The following CNTNAP2 variants were observed in gnomAD, a reference collection of about 807,000 sequenced individuals.
CNTNAP2 encodes the protein contactin-associated protein-like 2.
Under a neutral mutation model 155.2 loss-of-function variants are expected in CNTNAP2, and 98 were observed. The ratio of observed to expected loss-of-function variants is 0.63; its 90% CI spans 0.54 to 0.75. CNTNAP2 has a LOEUF of 0.75. CNTNAP2 is among the 30% of genes least tolerant of loss of function. The pLI is 0.00. For missense variants in CNTNAP2, 1,727 were observed against 1,688.1 expected, an observed-to-expected ratio of 1.02 and a Z score of -0.40; for synonymous variants, 651 against 631.2, an observed-to-expected ratio of 1.03 and a Z score of -0.47.
At chr7:148,061,414 C>T (rs1310592070) in intron 15 of CNTNAP2, among the ~76,000 whole-genome samples, 1 of 152,002 alleles carries the variant, frequency 6.6e-6, no homozygotes, top group Non-Finnish European at 1.5e-5. Flanking sequence ...AGTGCAGTGG[C>T]ATGATCTTGG....
At chr7:148,061,135 A>G (rs1264754364) in intron 15 of CNTNAP2, among the ~76,000 whole-genome samples, 1 of 152,224 alleles carries the variant, frequency 6.6e-6, no homozygotes, top group African/African-American at 2.4e-5. Context: ...GATATAGGTT[A>G]AAGGTTTTTA....
At chr7:147,762,046 A>G (rs1296545810) in intron 13 of CNTNAP2, among the ~76,000 whole-genome samples, 1 of 152,152 alleles carries the variant, frequency 6.6e-6, no homozygotes, top group Non-Finnish European at 1.5e-5. Flanking sequence ...AAGTAAACTT[A>G]GAATTTCCAT....
intron 3 of CNTNAP2, among the ~76,000 whole-genome samples, chr7:146,971,647 T>C (rs530458205): frequency 6.6e-6 from 1 of 152,238 alleles, no homozygotes; most frequent in African/African-American, 2.4e-5. Context: ...GGTCCTTTTC[T>C]GTGCAGATTG....
chr7:146,674,873 A>G (rs573007524), intron 1 of CNTNAP2, among the ~76,000 whole-genome samples: 16 of 152,176 alleles, frequency 1.1e-4, no homozygotes, highest in Non-Finnish European at 2.1e-4. Flanking sequence ...TGACTTATTC[A>G]CTTCTCCCTG....
intron 2 of CNTNAP2, among the ~76,000 whole-genome samples, chr7:146,834,183 T>C (rs1803570935): frequency 6.6e-6 from 1 of 152,146 alleles, no homozygotes; most frequent in Non-Finnish European, 1.5e-5. Flanking sequence ...TCAGGAGCCA[T>C]TTATCACTAC....
In CNTNAP2 at chr7:147,776,446, C is replaced by T. The variant is rs541048165; in HGVS notation, c.2099-127119C>T. ...CTGTTTTTCAATGAGAAACTCTGCACTGAGATAAATTCTATTCCTGGTGGC... is the reference window on the plus strand; with the variant it reads ...CTGTTTTTCAATGAGAAACTCTGCATTGAGATAAATTCTATTCCTGGTGGC... On this transcript the variant is annotated intron_variant, in intron 13 of 23. Transcript: ENST00000361727. Among the ~76,000 whole-genome samples the T allele has an allele frequency of 1.1e-3, 167 of 152,128 alleles. 1 individual carries two copies. Among genetic ancestry groups the T allele is most frequent in the Non-Finnish European group, 2.1e-3 (143 of 68,008 alleles).
Position 148,418,425 on chromosome 7 carries a change from A to AT in CNTNAP2, c.*2810dup, listed in dbSNP as rs1156306364. ...ATGCTGGTAGTAGCCTCTTTAAATA[A>AT]TATGTATAGACAACAACAACGACAA... On this transcript the variant is annotated 3_prime_UTR_variant, in exon 24 of 24. Transcript: ENST00000361727. The AT allele has an allele frequency of 6.6e-6, 1 of 152,244 alleles. No individual in the cohort carries two copies. The highest frequency in any genetic ancestry group is 2.4e-5 in the African/African-American group (1 of 41,464). 9.4% of individuals were successfully genotyped at this position (152,244 alleles called of 1,614,324 possible). A position where few individuals can be genotyped will look rare whatever the true frequency, so the allele number is the denominator to read the frequency against.
intron 1 of CNTNAP2, among the ~76,000 whole-genome samples, chr7:146,600,350 C>T (rs186469735): frequency 6.6e-6 from 1 of 152,068 alleles, no homozygotes; most frequent in East Asian, 1.9e-4. Flanking sequence ...TATTTTTGTT[C>T]TCATTAGTAC....
At chr7:147,899,266 GGAGGTCAA>G (rs1483696601) in intron 13 of CNTNAP2, among the ~76,000 whole-genome samples, 1 of 152,198 alleles carries the variant, frequency 6.6e-6, no homozygotes, top group Non-Finnish European at 1.5e-5. Context: ...CTTGAGTCCA[GGAGGTCAA>G]GGCTGCAGTG....
At chr7:146,876,527 G>A (rs1317722638) in intron 3 of CNTNAP2, among the ~76,000 whole-genome samples, 1 of 152,070 alleles carries the variant, frequency 6.6e-6, no homozygotes, top group African/African-American at 2.4e-5. Flanking sequence ...ATACTGCCAG[G>A]AATATTGTAA....
chr7:147,296,406 G>A (rs1584853642), intron 8 of CNTNAP2, among the ~76,000 whole-genome samples: 1 of 152,172 alleles, frequency 6.6e-6, no homozygotes, highest in South Asian at 2.1e-4. Flanking sequence ...AAACACTGCT[G>A]CTTGACTGAC....
At chr7:146,228,268 C>T (rs1451184899) in intron 1 of CNTNAP2, among the ~76,000 whole-genome samples, 1 of 152,136 alleles carries the variant, frequency 6.6e-6, no homozygotes, top group African/African-American at 2.4e-5. Context: ...TCATTAGTGG[C>T]CTAAACACCT....
chr7:147,519,638 G>A (rs1799197373), intron 11 of CNTNAP2, among the ~76,000 whole-genome samples: 2 of 152,178 alleles, frequency 1.3e-5, no homozygotes, highest in South Asian at 2.1e-4. Context: ...CAAGGTGGGC[G>A]GATTGCTTGA....
chr7:148,084,563 T>G (rs1285417643), intron 15 of CNTNAP2, among the ~76,000 whole-genome samples: 1 of 152,216 alleles, frequency 6.6e-6, no homozygotes, highest in Non-Finnish European at 1.5e-5. Context: ...TCTTTTTTCT[T>G]TCCTCTTTTT....
intron 5 of CNTNAP2, among the ~76,000 whole-genome samples, chr7:147,111,897 T>C (rs1282518336): frequency 6.6e-6 from 1 of 152,204 alleles, no homozygotes; most frequent in Admixed American, 6.6e-5. Flanking sequence ...TTAAATTCTC[T>C]GAAGAATGGT....
At position 147,514,394 on chromosome 7, in the gene CNTNAP2, T is replaced by C. The variant is rs115464200; in HGVS notation, c.1777+28353T>C. ...TTTTATATATTTAAATGTGTATGCA[T>C]TTTAAATAGGTTTCAATATTTAAAT... On this transcript the variant is annotated intron_variant, in intron 11 of 23. Transcript: ENST00000361727. 9.1e-3 allele frequency among the ~76,000 whole-genome samples: 1,384 copies of C among 152,074 alleles called. 28 individuals carry two copies. The highest frequency in any genetic ancestry group is 0.03 in the African/African-American group (1,254 of 41,520).
At position 147,961,407 on chromosome 7, in the gene CNTNAP2, C is replaced by A. The variant is rs138931524; in HGVS notation, c.2256-16455C>A. Among the ~76,000 whole-genome samples, 1,472 of 152,222 alleles carry A rather than the reference C, an allele frequency of 9.7e-3. 84 individuals carry two copies. Among genetic ancestry groups the A allele is most frequent in the Admixed American group, 0.089 (1,364 of 15,268 alleles). On this transcript the variant is annotated intron_variant, in intron 14 of 23. Transcript: ENST00000361727. ...GTTATTTAACAAATATGCAGAGCAA[C>A]AATGCACAAGATGATCAAAAGATAT...
At chr7:148,207,112 T>C (rs1055787257) in intron 18 of CNTNAP2, among the ~76,000 whole-genome samples, 20 of 152,184 alleles carry the variant, frequency 1.3e-4, no homozygotes, top group African/African-American at 4.3e-4. Flanking sequence ...GAGCCTCACA[T>C]ATAGTAGGAG....
chr7:147,103,977 A>G (rs1037861050), intron 4 of CNTNAP2, among the ~76,000 whole-genome samples: 11 of 152,074 alleles, frequency 7.2e-5, no homozygotes, highest in African/African-American at 2.2e-4. Context: ...CATCATAACT[A>G]AATGCAATCT....
Sources: allele counts gnomAD v4.1 joint callset (sites outside exome capture counted in the v4.1 genomes callset), GRCh38; gene constraint gnomAD v4.1.1; transcripts MANE v1.5; gene names NCBI Gene and HGNC (gene_info 2026-07-23, HGNC 2026-07-21).